FRAS1: variants seen among roughly 807,000 people sequenced by gnomAD.
The protein encoded by FRAS1 is Fraser extracellular matrix complex subunit 1.
FRAS1 carries 290 observed loss-of-function variants against 435.2 expected under a neutral mutation model. The observed-to-expected ratio is 0.67, with a 90% CI of 0.61 to 0.73. FRAS1 has a LOEUF of 0.73. FRAS1 is among the 30% of genes least tolerant of loss of function. The pLI is 0.00. For missense variants in FRAS1, 4,860 were observed against 5,001.5 expected (o/e 0.97, Z 0.85); for synonymous variants, 1,800 against 1,851.0 (o/e 0.97, Z 0.71).
chr4:78,322,217 C>T (rs1294608631), intron 18 of FRAS1, among the ~76,000 whole-genome samples: 1 of 152,160 alleles, frequency 6.6e-6, no homozygotes, highest in Non-Finnish European at 1.5e-5. Flanking sequence ...AACCTTTCTG[C>T]CTTCCCATAA....
At chr4:78,194,925 G>T (rs1722731557) in intron 2 of FRAS1, among the ~76,000 whole-genome samples, 1 of 152,096 alleles carries the variant, frequency 6.6e-6, no homozygotes, top group Admixed American at 6.6e-5. Context: ...GGTCTTTGAT[G>T]GTGGTGATGT....
At chr4:78,460,430 G>A (rs1443079269) in intron 47 of FRAS1, among the ~76,000 whole-genome samples, 4 of 152,232 alleles carry the variant, frequency 2.6e-5, no homozygotes, top group Admixed American at 6.5e-5. Flanking sequence ...TGTGACAGCG[G>A]TAGGGACAAT....
chr4:78,529,110 A>T (rs1472172483), intron 70 of FRAS1, among the ~76,000 whole-genome samples: 3 of 152,082 alleles, frequency 2.0e-5, no homozygotes, highest in Non-Finnish European at 4.4e-5. Context: ...TTTGGAGGTG[A>T]GGGAGTCAAG....
chr4:78,214,189 A>G (rs1723642139), intron 2 of FRAS1, among the ~76,000 whole-genome samples: 1 of 152,330 alleles, frequency 6.6e-6, no homozygotes, highest in Middle Eastern at 3.4e-3. Flanking sequence ...TCTCCTAGCC[A>G]GTACACTTGT....
chr4:78,234,023 C>T (rs1258981118), intron 2 of FRAS1, among the ~76,000 whole-genome samples: 2 of 152,252 alleles, frequency 1.3e-5, no homozygotes, highest in African/African-American at 2.4e-5. Context: ...CACAATTGTC[C>T]CTGTGGTCAG....
chr4:78,384,003 G>A, intron 27 of FRAS1, 56 bp from the exon 28 acceptor site: 7 of 1,319,162 alleles, frequency 5.3e-6, no homozygotes, highest in Non-Finnish European at 6.4e-6. Flanking sequence ...CCTTTTCTGT[G>A]TAAAGTCTAA....
At chr4:78,211,706 A>G (rs536559639) in intron 2 of FRAS1, among the ~76,000 whole-genome samples, 160 of 152,344 alleles carry the variant, frequency 1.1e-3, no homozygotes, top group African/African-American at 3.4e-3. Flanking sequence ...GTTGTAATAT[A>G]TGTACAGCAT....
intron 2 of FRAS1, among the ~76,000 whole-genome samples, chr4:78,228,066 G>T (rs1724348834): frequency 1.3e-5 from 2 of 152,106 alleles, no homozygotes; most frequent in African/African-American, 4.8e-5. Context: ...ATTATAAAAT[G>T]AATGATAATG....
At chr4:78,401,603 G>A (rs914640236) in intron 30 of FRAS1, among the ~76,000 whole-genome samples, 1 of 152,036 alleles carries the variant, frequency 6.6e-6, no homozygotes, top group Non-Finnish European at 1.5e-5. Flanking sequence ...GAATTAAGAT[G>A]CTGCATAAAG....
intron 47 of FRAS1, among the ~76,000 whole-genome samples, chr4:78,461,855 A>G (rs1217219972): frequency 6.6e-6 from 1 of 152,238 alleles, no homozygotes; most frequent in Non-Finnish European, 1.5e-5. Context: ...TAGACATGAA[A>G]TAGTATATAC....
At chr4:78,188,404 G>C (rs750994792) in intron 2 of FRAS1, among the ~76,000 whole-genome samples, 2 of 152,010 alleles carry the variant, frequency 1.3e-5, no homozygotes, top group African/African-American at 4.8e-5. Context: ...AATTACTTTT[G>C]CATCAACCTA....
At chr4:78,304,009 T>G (rs12644070) in intron 14 of FRAS1, among the ~76,000 whole-genome samples, 1 of 151,780 alleles carries the variant, frequency 6.6e-6, no homozygotes, top group Admixed American at 6.6e-5. Flanking sequence ...AGATAGCTCT[T>G]ATTATTTTGA....
chr4:78,221,933 A>C (rs1268670249), intron 2 of FRAS1, among the ~76,000 whole-genome samples: 5 of 152,206 alleles, frequency 3.3e-5, no homozygotes, highest in Non-Finnish European at 2.9e-5. Context: ...CTTTAATGGA[A>C]TCATTCCTCA....
chr4:78,278,600 C>A, intron 9 of FRAS1, 55 bp from the exon 10 acceptor site: 1 of 1,005,108 alleles, frequency 9.9e-7, no homozygotes, highest in South Asian at 1.3e-5. Context: ...CAATTTAGCC[C>A]TGCTACCTGG....
intron 25 of FRAS1, among the ~76,000 whole-genome samples, 169 bp from the exon 26 acceptor site, chr4:78,375,570 G>A (rs1337279746): frequency 2.6e-5 from 4 of 152,194 alleles, no homozygotes; most frequent in Admixed American, 2.6e-4. Flanking sequence ...GTTCCTCTCT[G>A]TAGATCAGCT....
intron 3 of FRAS1, among the ~76,000 whole-genome samples, chr4:78,239,224 G>A (rs1724896592): frequency 6.6e-6 from 1 of 151,836 alleles, no homozygotes; most frequent in African/African-American, 2.4e-5. Flanking sequence ...TTCTCATCTT[G>A]GTAAATGGCA....
chr4:78,116,270 T>A (rs1743166354), intron 2 of FRAS1, among the ~76,000 whole-genome samples: 1 of 152,192 alleles, frequency 6.6e-6, no homozygotes, highest in Non-Finnish European at 1.5e-5. Context: ...AATTTTGGAA[T>A]AGGTGTGGTG....
At chr4:78,207,831 C>A (rs995879244) in intron 2 of FRAS1, among the ~76,000 whole-genome samples, 3 of 152,136 alleles carry the variant, frequency 2.0e-5, no homozygotes, top group African/African-American at 7.2e-5. Flanking sequence ...CAAGCCTTCT[C>A]AATTCAGGTC....
chr4:78,345,498 T>C (rs1296619913), intron 20 of FRAS1, among the ~76,000 whole-genome samples: 2 of 152,074 alleles, frequency 1.3e-5, no homozygotes. Context: ...ACTTCCTCTT[T>C]ATTCCTTCTA....
Sources: allele counts gnomAD v4.1 joint callset (sites outside exome capture counted in the v4.1 genomes callset), GRCh38; gene constraint gnomAD v4.1.1; transcripts MANE v1.5; gene names NCBI Gene and HGNC (gene_info 2026-07-23, HGNC 2026-07-21).